The following HIGD1C variants were observed in gnomAD, a reference collection of about 807,000 sequenced individuals.
HIGD1C encodes HIG1 hypoxia inducible domain family member 1C, also known as HIG1 domain family member 1C.
HIGD1C carries 11 observed loss-of-function variants against 13.1 expected under a neutral mutation model. That is an observed-to-expected ratio of 0.84 (90% confidence interval 0.53 to 1.39). HIGD1C has a LOEUF of 1.39. Ranked by LOEUF, HIGD1C falls within the 40% of genes most tolerant of loss-of-function variation. The probability of loss-of-function intolerance (pLI) is 0.00; values close to 1 mark genes in which losing one functional copy is unlikely to be tolerated. For synonymous variants in HIGD1C, 36 were observed against 37.7 expected (o/e 0.95, Z 0.17); for missense variants, 110 against 112.0 (o/e 0.98, Z 0.08).
intron 1 of HIGD1C, 80 bp from the exon 4 acceptor site, chr12:50,960,888 C>T: frequency 7.9e-7 from 1 of 1,261,876 alleles, no homozygotes; most frequent in South Asian, 1.7e-5. Context: ...CTATGTTGCC[C>T]AGGCTGTTTT....
At chr12:50,967,117 A>T (rs1023318768) in intron 2 of HIGD1C, among the ~76,000 whole-genome samples, 3 of 151,444 alleles carry the variant, frequency 2.0e-5, no homozygotes, top group African/African-American at 7.3e-5. Context: ...CAGTCTCAAA[A>T]AAAAAAAAAA....
chr12:50,957,320 C>T (rs951395870), intron 1 of HIGD1C, among the ~76,000 whole-genome samples: 3 of 151,790 alleles, frequency 2.0e-5, no homozygotes, highest in South Asian at 2.1e-4. Context: ...AAGCGATTCT[C>T]GTGCTTCAGC....
the HIGD1C span, among the ~76,000 whole-genome samples, chr12:50,933,797 A>T: frequency 6.6e-6 from 1 of 152,222 alleles, no homozygotes; most frequent in Admixed American, 6.5e-5. Flanking sequence ...AACCTAAGCT[A>T]AGTGCTCAGT....
intron 1 of HIGD1C, among the ~76,000 whole-genome samples, chr12:50,958,721 G>A (rs1472090780): frequency 1.3e-5 from 2 of 151,364 alleles, no homozygotes; most frequent in Admixed American, 1.3e-4. Flanking sequence ...AAAGAATAGA[G>A]AACCCAAAAA....
At chr12:50,943,506 C>G in the HIGD1C span, among the ~76,000 whole-genome samples, 1 of 152,002 alleles carries the variant, frequency 6.6e-6, no homozygotes, top group Non-Finnish European at 1.5e-5. Context: ...GTCAGGAGAT[C>G]GAGACCATCC....
chr12:50,960,916 A>T, intron 1 of HIGD1C, 52 bp from the exon 4 acceptor site: 1 of 1,404,884 alleles, frequency 7.1e-7, no homozygotes, highest in Non-Finnish European at 9.6e-7. Context: ...CTGGTCTCAC[A>T]CGATGCTCCT....
rs1939310508 is a variant in HIGD1C at position 50,961,108 on chromosome 12, C to G, written c.229+6C>G. On this transcript the variant is annotated splice_donor_region_variant and intron_variant, in intron 2 of 2. Transcript: ENST00000398455. ...TGTTGGAGCTGTGACTCTAGGTAAC[C>G]CGCTTAATTTGTATCTTATGTTCAG... 2 of 1,613,342 alleles carry G rather than the reference C, an allele frequency of 1.2e-6. No individual in the cohort carries two copies. Among genetic ancestry groups the G allele is most frequent in the East Asian group, 4.5e-5 (2 of 44,886 alleles).
upstream of HIGD1C, among the ~76,000 whole-genome samples, chr12:50,952,059 A>ATTT (rs141699945): frequency 0.061 from 8,290 of 136,382 alleles, 444 homozygotes; most frequent in East Asian, 0.22. Flanking sequence ...TAGACCAGAA[A>ATTT]TTTTTTTTTT....
chr12:50,955,977 T>G (rs1374555531), intron 1 of HIGD1C, among the ~76,000 whole-genome samples: 1 of 152,174 alleles, frequency 6.6e-6, no homozygotes, highest in Non-Finnish European at 1.5e-5. Flanking sequence ...AGACACTATA[T>G]GGAAAACAGT....
upstream of HIGD1C, among the ~76,000 whole-genome samples, chr12:50,953,308 G>A (rs879228817): frequency 6.3e-4 from 96 of 152,310 alleles, no homozygotes; most frequent in Admixed American, 4.8e-3. Flanking sequence ...TCATTCATAG[G>A]ATGAAGCCGC....
chr12:50,933,786 G>T, the HIGD1C span, among the ~76,000 whole-genome samples: 1 of 152,224 alleles, frequency 6.6e-6, no homozygotes, highest in Non-Finnish European at 1.5e-5. Flanking sequence ...ACCACAGGGG[G>T]AACCTAAGCT....
At chr12:50,957,443 T>C (rs1403998069) in intron 1 of HIGD1C, among the ~76,000 whole-genome samples, 16 of 151,202 alleles carry the variant, frequency 1.1e-4, no homozygotes, top group Admixed American at 1.1e-3. Flanking sequence ...AAGTGATCCA[T>C]CAGTCTCAGC....
intron 2 of HIGD1C, among the ~76,000 whole-genome samples, chr12:50,961,313 T>G (rs1339065067): frequency 6.6e-6 from 1 of 152,154 alleles, no homozygotes; most frequent in Non-Finnish European, 1.5e-5. Context: ...AAACCTATGG[T>G]AGAAAACTAG....
chr12:50,962,938 G>A (rs1018787523), intron 2 of HIGD1C, among the ~76,000 whole-genome samples: 1 of 152,154 alleles, frequency 6.6e-6, no homozygotes, highest in Non-Finnish European at 1.5e-5. Context: ...ATCAGTGTTT[G>A]AGGAGAAAAG....
chr12:50,958,545 T>A (rs1027346200), intron 1 of HIGD1C, among the ~76,000 whole-genome samples: 6 of 151,782 alleles, frequency 4.0e-5, no homozygotes, highest in Non-Finnish European at 5.9e-5. Flanking sequence ...CCTCCCAAAG[T>A]GCTGGGATTA....
At chr12:50,960,278 A>G (rs1174043016) in intron 1 of HIGD1C, among the ~76,000 whole-genome samples, 1 of 152,104 alleles carries the variant, frequency 6.6e-6, no homozygotes, top group African/African-American at 2.4e-5. Flanking sequence ...TACTGGGTTT[A>G]CTCCTTATTT....
the HIGD1C span, among the ~76,000 whole-genome samples, chr12:50,938,656 T>A: frequency 1.4e-4 from 22 of 152,306 alleles, no homozygotes; most frequent in Admixed American, 4.6e-4. Flanking sequence ...GCTACAACCA[T>A]CACTTCTACA....
At chr12:50,940,152 G>A in the HIGD1C span, 1 of 152,134 alleles carries the variant, frequency 6.6e-6, no homozygotes, top group Non-Finnish European at 1.5e-5. Flanking sequence ...GCACCCTCAT[G>A]AGAAGCACTT....
chr12:50,961,190 G>T lies in HIGD1C; in HGVS notation c.229+88G>T. The T allele has an allele frequency of 3.0e-6, 4 of 1,337,286 alleles. No individual in the cohort carries two copies. In the South Asian group the frequency reaches 4.1e-5, roughly 14 times the overall value. 82.8% of individuals were successfully genotyped at this position (1,337,286 alleles called of 1,614,324 possible). On this transcript the variant is annotated intron_variant, in intron 2 of 2. Transcript: ENST00000398455. ...TCATTCATAGTAGAAGATGAATGTT[G>T]GGTCACAATGATGTAATGAGAGAGG...
Sources: gnomAD v4.1 joint callset for allele counts (sites outside exome capture counted in the v4.1 genomes callset) on GRCh38, gnomAD v4.1.1 for gene constraint, MANE v1.5 for transcripts, NCBI Gene and HGNC (gene_info 2026-07-23, HGNC 2026-07-21) for gene names.